The following EYA1 variants were observed in gnomAD, a reference collection of about 807,000 sequenced individuals.
EYA1 encodes EYA transcriptional coactivator and phosphatase 1.
Under a neutral mutation model 82.0 loss-of-function variants are expected in EYA1, and 16 were observed. The observed-to-expected ratio is 0.20, with a 90% CI of 0.13 to 0.30. EYA1 has a LOEUF of 0.30. Among genes scored for constraint, EYA1 ranks in the 10% least tolerant of loss-of-function variants. EYA1 has a pLI of 1.00. For synonymous variants in EYA1, 261 were observed against 264.4 expected (o/e 0.99, Z 0.12); for missense variants, 633 against 730.7 (o/e 0.87, Z 1.54).
rs538760296 is a variant in EYA1, at chr8:71,430,694, C to T, written c.34-74183G>A. Among the ~76,000 whole-genome samples, 3 of 152,258 alleles carry T rather than the reference C, an allele frequency of 2.0e-5. No homozygotes were observed. The East Asian group carries it at 5.8e-4, about 29-fold the overall frequency. On this transcript the variant is annotated intron_variant, in intron 2 of 18. Transcript: ENST00000643681. ...GGGATGCTGGCCAAGGGGCTGTTAT[C>T]CCTGAAACCAATGGGGGTGGGTGCT...
intron 9 of EYA1, among the ~76,000 whole-genome samples, chr8:71,288,394 C>T (rs528464028): frequency 6.6e-6 from 1 of 152,304 alleles, no homozygotes; most frequent in South Asian, 2.1e-4. Flanking sequence ...ACACTACACC[C>T]TTCTGTCTCC....
intron 2 of EYA1, among the ~76,000 whole-genome samples, chr8:71,492,648 G>T (rs1262848615): frequency 6.6e-6 from 1 of 151,974 alleles, no homozygotes; most frequent in Non-Finnish European, 1.5e-5. Context: ...TGTATTTTTA[G>T]TAGAGATGGG....
At chr8:71,414,664 T>C (rs1830766713) in intron 2 of EYA1, among the ~76,000 whole-genome samples, 2 of 152,176 alleles carry the variant, frequency 1.3e-5, no homozygotes, top group Non-Finnish European at 2.9e-5. Flanking sequence ...ATCAAAATAT[T>C]TACCTCAAAC....
chr8:71,417,135 G>A (rs1329138568), intron 2 of EYA1, among the ~76,000 whole-genome samples: 3 of 152,064 alleles, frequency 2.0e-5, no homozygotes, highest in South Asian at 2.1e-4. Context: ...TTTGGGACTC[G>A]GACTGGCTTC....
intron 2 of EYA1, among the ~76,000 whole-genome samples, chr8:71,470,082 T>A (rs1809070123): frequency 6.6e-6 from 1 of 151,998 alleles, no homozygotes; most frequent in Non-Finnish European, 1.5e-5. Context: ...AACAAAAAAA[T>A]GTAACTAACA....
intron 4 of EYA1, among the ~76,000 whole-genome samples, chr8:71,331,840 T>C (rs558177360): frequency 7.9e-5 from 12 of 152,210 alleles, no homozygotes; most frequent in African/African-American, 2.9e-4. Flanking sequence ...ACTATTGCTT[T>C]TTTGTTTTTG....
chr8:71,316,789 G>A (rs1821974826), intron 7 of EYA1, among the ~76,000 whole-genome samples: 1 of 152,192 alleles, frequency 6.6e-6, no homozygotes, highest in South Asian at 2.1e-4. Context: ...GAACTGAACT[G>A]TAGTAAAGAC....
intron 2 of EYA1, among the ~76,000 whole-genome samples, chr8:71,483,979 G>A (rs770741266): frequency 7.2e-5 from 11 of 152,162 alleles, no homozygotes; most frequent in Admixed American, 1.3e-4. Flanking sequence ...TCTCAGCTGC[G>A]GTGTTCTTGT....
chr8:71,387,914 A>C (rs182621023), intron 2 of EYA1, among the ~76,000 whole-genome samples: 2 of 152,230 alleles, frequency 1.3e-5, no homozygotes, highest in African/African-American at 4.8e-5. Context: ...GAACACAAAA[A>C]CCCAAGCATT....
chr8:71,340,470 T>C (rs1188595272), intron 3 of EYA1, among the ~76,000 whole-genome samples: 1 of 152,206 alleles, frequency 6.6e-6, no homozygotes, highest in East Asian at 1.9e-4. Context: ...AGATGTTTAA[T>C]GCTTCCTCAA....
At chr8:71,254,626 T>G (rs919770869) in intron 11 of EYA1, among the ~76,000 whole-genome samples, 1 of 152,296 alleles carries the variant, frequency 6.6e-6, no homozygotes, top group East Asian at 1.9e-4. Flanking sequence ...TCATACTCAA[T>G]GGTAAATGTC....
intron 4 of EYA1, among the ~76,000 whole-genome samples, chr8:71,329,513 G>C (rs909766280): frequency 6.6e-6 from 1 of 152,022 alleles, no homozygotes; most frequent in African/African-American, 2.4e-5. Flanking sequence ...CCTATTCTCT[G>C]TTTCTAGGCA....
chr8:71,244,566 A>G (rs2128904393), intron 12 of EYA1, 37 bp downstream of exon 12: 1 of 1,058,646 alleles, frequency 9.4e-7, no homozygotes, highest in East Asian at 2.6e-5. Flanking sequence ...ACCTATTTTC[A>G]GACATGCAAA....
chr8:71,284,919 G>A (rs1818201047), intron 9 of EYA1, among the ~76,000 whole-genome samples: 1 of 152,042 alleles, frequency 6.6e-6, no homozygotes, highest in African/African-American at 2.4e-5. Context: ...CTCTTCCTGA[G>A]GACTTTGTTT....
upstream of EYA1, chr8:71,362,284 T>A (rs1409179936): frequency 5.9e-5 from 39 of 656,918 alleles, no homozygotes; most frequent in South Asian, 4.3e-4. Context: ...CCTTGCTGTT[T>A]AAAAAAAAAA....
At chr8:71,373,565 A>C (rs1423895986) in intron 2 of EYA1, among the ~76,000 whole-genome samples, 2 of 152,192 alleles carry the variant, frequency 1.3e-5, no homozygotes, top group African/African-American at 2.4e-5. Flanking sequence ...GTACTACTCA[A>C]AGCAACCTAC....
At chr8:71,369,224 C>G (rs1335329275) in intron 2 of EYA1, among the ~76,000 whole-genome samples, 1 of 142,130 alleles carries the variant, frequency 7.0e-6, no homozygotes, top group Non-Finnish European at 1.5e-5. Context: ...AAAAAAAAAA[C>G]TTCTTAAAGC....
intron 2 of EYA1, among the ~76,000 whole-genome samples, chr8:71,476,935 G>A (rs899171303): frequency 1.3e-5 from 2 of 151,948 alleles, no homozygotes; most frequent in East Asian, 1.9e-4. Flanking sequence ...CATCTAGGTC[G>A]ATTTTTTTTC....
intron 1 of EYA1, 131 bp downstream of exon 1, chr8:71,361,516 C>T: frequency 3.2e-6 from 1 of 308,616 alleles, no homozygotes; most frequent in Non-Finnish European, 4.7e-6. Flanking sequence ...CATAATTTTC[C>T]CCATGCCATA....
Sources: gnomAD v4.1 joint callset for allele counts (sites outside exome capture counted in the v4.1 genomes callset) on GRCh38, gnomAD v4.1.1 for gene constraint, MANE v1.5 for transcripts, NCBI Gene and HGNC (gene_info 2026-07-23, HGNC 2026-07-21) for gene names.